EVI2B: variants seen among roughly 807,000 people sequenced by gnomAD.
EVI2B encodes protein EVI2B.
EVI2B carries 4 observed loss-of-function variants against 6.6 expected under a neutral mutation model. The observed-to-expected ratio is 0.61, with a 90% CI of 0.30 to 1.39. The LOEUF (loss-of-function observed/expected upper bound fraction) is 1.39, where lower values mean the gene tolerates loss of function less well. EVI2B is among the 40% of genes most tolerant of loss of function. The probability of loss-of-function intolerance (pLI) is 0.08; values close to 1 mark genes in which losing one functional copy is unlikely to be tolerated. For synonymous variants in EVI2B, 181 were observed against 186.8 expected (o/e 0.97, Z 0.25); for missense variants, 484 against 516.6 (o/e 0.94, Z 0.61).
chr17:31,304,794 A>C lies in EVI2B; in HGVS notation c.816T>G (p.Leu272=). 6.2e-7 allele frequency: 1 copy of C among 1,614,024 alleles called. No individual in the cohort carries two copies. Among genetic ancestry groups the C allele is most frequent in the Non-Finnish European group, 8.5e-7 (1 of 1,180,004 alleles). The change falls in exon 2 of 2, where the codon CTT becomes CTG. Residue 272 remains leucine (L), a synonymous_variant. Transcript: ENST00000330927. ...ISTKRTSIIS[L]TPWKPSKSTL... Reference sequence around the variant, plus strand: ...TGCTTTTGCTTGGTTTCCAGGGTGTAAGTGAAATGATTGATGTACGTTTTG... The same window carrying C: ...TGCTTTTGCTTGGTTTCCAGGGTGTCAGTGAAATGATTGATGTACGTTTTG...
chr17:31,308,732 T>G (rs888979268), intron 1 of EVI2B, among the ~76,000 whole-genome samples: 1 of 152,142 alleles, frequency 6.6e-6, no homozygotes, highest in African/African-American at 2.4e-5. Flanking sequence ...TAAATTCCCC[T>G]TCTTAACCCA....
At chr17:31,306,759 C>T (rs886528729) in intron 1 of EVI2B, among the ~76,000 whole-genome samples, 7 of 151,448 alleles carry the variant, frequency 4.6e-5, no homozygotes, top group African/African-American at 1.7e-4. Flanking sequence ...TTGGTAAATG[C>T]CACATTTGTG....
intron 1 of EVI2B, chr17:31,308,015 C>T: frequency 1.1e-6 from 1 of 910,654 alleles, no homozygotes; most frequent in African/African-American, 1.7e-5. Flanking sequence ...ATAATTCAAG[C>T]CTGAATTTTA....
intron 1 of EVI2B, among the ~76,000 whole-genome samples, chr17:31,308,330 A>T (rs2068782177): frequency 6.6e-6 from 1 of 151,984 alleles, no homozygotes; most frequent in Non-Finnish European, 1.5e-5. Flanking sequence ...TAGTAGAGAC[A>T]GGGTTTCACC....
At position 31,305,628 on chromosome 17, in the gene EVI2B, T is replaced by A. The variant is rs1050900648; in HGVS notation, c.-19A>T. 6.2e-7 allele frequency: 1 copy of A among 1,602,324 alleles called. No individual in the cohort carries two copies. The highest frequency in any genetic ancestry group is 1.3e-5 in the African/African-American group (1 of 74,516). On this transcript the variant is annotated splice_region_variant and 5_prime_UTR_variant, in exon 2 of 2. Coordinates refer to ENST00000330927, the MANE Select transcript of EVI2B (RefSeq NM_006495.4). ...GATCCATTTCAGAATATTTCCTCGT[T>A]ATCTATAGCGGGTTTATAATGAAAG...
chr17:31,310,405 A>AAG (rs2068838629), intron 1 of EVI2B, among the ~76,000 whole-genome samples: 4 of 150,588 alleles, frequency 2.7e-5, no homozygotes, highest in Admixed American at 2.0e-4. Context: ...AGTGTAGATG[A>AAG]TTGAAGTAGG....
intron 1 of EVI2B, among the ~76,000 whole-genome samples, chr17:31,307,441 A>G (rs1308262669): frequency 3.9e-5 from 6 of 152,220 alleles, no homozygotes; most frequent in Non-Finnish European, 5.9e-5. Flanking sequence ...GTCTATAAAA[A>G]CTAATTAAGT....
intron 1 of EVI2B, among the ~76,000 whole-genome samples, chr17:31,312,245 C>T (rs4368212): frequency 0.47 from 70,985 of 151,852 alleles, 19,670 homozygotes; most frequent in Non-Finnish European, 0.62. Flanking sequence ...CGCAGTGGTT[C>T]CTGCCTGTAA....
chr17:31,308,449 T>C lies in EVI2B; in HGVS notation c.-21-2819A>G, dbSNP rs572483973. Among the ~76,000 whole-genome samples, 10 of 152,262 alleles carry C rather than the reference T, an allele frequency of 6.6e-5. 1 individual carries two copies. In the South Asian group the frequency reaches 1.9e-3, roughly 28 times the overall value. ...AGCCACCACGCCTGGCCTGTTAAGATAAAACTTCTAAATTGAGTTTTCTTC... is the reference window on the plus strand; with the variant it reads ...AGCCACCACGCCTGGCCTGTTAAGACAAAACTTCTAAATTGAGTTTTCTTC... On this transcript the variant is annotated intron_variant, in intron 1 of 1. Coordinates refer to ENST00000330927, the MANE Select transcript of EVI2B (RefSeq NM_006495.4).
chr17:31,309,355 A>G lies in EVI2B; in HGVS notation c.-21-3725T>C, dbSNP rs138555735. ...TACCAGAAAATAAGCAGAGGCAGTG[A>G]AATCTGAGTTAATAAATTCTGCTTT... On this transcript the variant is annotated intron_variant, in intron 1 of 1. Coordinates refer to ENST00000330927, the MANE Select transcript of EVI2B (RefSeq NM_006495.4). Among the ~76,000 whole-genome samples the G allele has an allele frequency of 1.1e-4, 17 of 152,310 alleles. No individual in the cohort carries two copies. In the East Asian group the frequency reaches 2.7e-3, roughly 24 times the overall value.
At chr17:31,311,691 C>T (rs528529626) in intron 1 of EVI2B, among the ~76,000 whole-genome samples, 1 of 152,268 alleles carries the variant, frequency 6.6e-6, no homozygotes, top group South Asian at 2.1e-4. Flanking sequence ...TTTCATCCTA[C>T]AGATAAGGAA....
chr17:31,304,048 T>A lies in EVI2B; in HGVS notation c.*215A>T. 1 of 449,910 alleles carries A rather than the reference T, an allele frequency of 2.2e-6. No homozygotes were observed. Among genetic ancestry groups the A allele is most frequent in the South Asian group, 3.7e-5 (1 of 26,984 alleles). 27.9% of individuals were successfully genotyped at this position (449,910 alleles called of 1,614,324 possible). A position where few individuals can be genotyped will look rare whatever the true frequency, so the allele number is the denominator to read the frequency against. Reference sequence around the variant, plus strand: ...TTACATATGTAAAATGTACTATACTTTAAAGATAGGTACTATAATTAGTAA... The same window carrying A: ...TTACATATGTAAAATGTACTATACTATAAAGATAGGTACTATAATTAGTAA... On this transcript the variant is annotated 3_prime_UTR_variant, in exon 2 of 2. Coordinates refer to ENST00000330927, the MANE Select transcript of EVI2B (RefSeq NM_006495.4).
intron 1 of EVI2B, among the ~76,000 whole-genome samples, chr17:31,311,676 G>A (rs1343159643): frequency 3.9e-5 from 6 of 152,156 alleles, no homozygotes; most frequent in Admixed American, 2.0e-4. Flanking sequence ...GCTAGGTGGT[G>A]GTTTTTTCAT....
At chr17:31,308,015 C>A in intron 1 of EVI2B, 1 of 910,654 alleles carries the variant, frequency 1.1e-6, no homozygotes. Flanking sequence ...ATAATTCAAG[C>A]CTGAATTTTA....
At chr17:31,309,672 G>A (rs2068817304) in intron 1 of EVI2B, among the ~76,000 whole-genome samples, 1 of 152,134 alleles carries the variant, frequency 6.6e-6, no homozygotes, top group African/African-American at 2.4e-5. Context: ...AAACCATACG[G>A]TTCCTCTTTT....
Position 31,313,724 on chromosome 17 carries a change from G to GTA in EVI2B, c.-22+254_-22+255insTA, listed in dbSNP as rs1416724517. On this transcript the variant is annotated intron_variant, in intron 1 of 1. Coordinates refer to ENST00000330927, the MANE Select transcript of EVI2B (RefSeq NM_006495.4). ...CTATCTCAAAAAAAAAAAAAAATAT[G>GTA]TGTGTGTGTGTGTGTGTGTGTGTGT... 8.0e-4 allele frequency among the ~76,000 whole-genome samples: 19 copies of GTA among 23,816 alleles called. No individual in the cohort carries two copies. In the South Asian group the frequency reaches 0.023, roughly 28 times the overall value. The allele number at this position is 23,816 out of a possible 152,430, so 15.6% of individuals were successfully genotyped here.
At chr17:31,313,202 A>G (rs1275173733) in intron 1 of EVI2B, among the ~76,000 whole-genome samples, 4 of 152,170 alleles carry the variant, frequency 2.6e-5, no homozygotes, top group Admixed American at 2.0e-4. Flanking sequence ...CATTCTTACT[A>G]TGCAAACTAA....
chr17:31,307,666 A>G (rs1343411537), intron 1 of EVI2B, among the ~76,000 whole-genome samples: 1 of 152,194 alleles, frequency 6.6e-6, no homozygotes, highest in Admixed American at 6.5e-5. Context: ...GAAGAGTTCT[A>G]CTGAGACAAT....
At chr17:31,313,524 T>A (rs2068936947) in intron 1 of EVI2B, among the ~76,000 whole-genome samples, 1 of 151,838 alleles carries the variant, frequency 6.6e-6, no homozygotes, top group Non-Finnish European at 1.5e-5. Context: ...GGCAACATAG[T>A]GAAACCCCAT....
Sources: gnomAD v4.1 joint callset for allele counts (sites outside exome capture counted in the v4.1 genomes callset) on GRCh38, gnomAD v4.1.1 for gene constraint, MANE v1.5 for transcripts, NCBI Gene and HGNC (gene_info 2026-07-23, HGNC 2026-07-21) for gene names.